The following OSBPL8 variants were observed in gnomAD, a reference collection of about 807,000 sequenced individuals.
The protein encoded by OSBPL8 is oxysterol-binding protein-related protein 8.
OSBPL8 carries 59 observed loss-of-function variants against 125.5 expected under a neutral mutation model. That is an observed-to-expected ratio of 0.47 (90% confidence interval 0.38 to 0.58). The LOEUF is 0.58. Among genes scored for constraint, OSBPL8 ranks in the 20% least tolerant of loss-of-function variants. The pLI, the probability that OSBPL8 is intolerant of heterozygous loss-of-function variation, is 0.00. For missense variants in OSBPL8, 758 were observed against 1,047.8 expected, an observed-to-expected ratio of 0.72 and a Z score of 3.82; for synonymous variants, 330 against 338.9, an observed-to-expected ratio of 0.97 and a Z score of 0.29.
intron 1 of OSBPL8, among the ~76,000 whole-genome samples, chr12:76,526,357 T>TA: frequency 6.6e-6 from 1 of 152,232 alleles, no homozygotes; most frequent in South Asian, 2.1e-4. Context: ...ATCAGCCACA[T>TA]ACTTTAATTA....
intron 1 of OSBPL8, among the ~76,000 whole-genome samples, chr12:76,517,034 G>C (rs997344490): frequency 6.6e-6 from 1 of 151,882 alleles, no homozygotes; most frequent in Non-Finnish European, 1.5e-5. Context: ...GCCTGGTCTC[G>C]AACTCCTGAC....
chr12:76,369,402 T>C (rs1450851185), intron 20 of OSBPL8, 101 bp from the exon 21 acceptor site: 4 of 1,447,192 alleles, frequency 2.8e-6, no homozygotes, highest in East Asian at 2.5e-5. Flanking sequence ...ATTATATACA[T>C]AGTTCTAATA....
intron 4 of OSBPL8, among the ~76,000 whole-genome samples, chr12:76,411,255 A>AAT (rs974188705): frequency 2.6e-5 from 4 of 152,194 alleles, no homozygotes; most frequent in African/African-American, 9.6e-5. Context: ...ATAACACTTT[A>AAT]ATATAGCACT....
intron 5 of OSBPL8, among the ~76,000 whole-genome samples, chr12:76,403,450 G>A (rs1158532936): frequency 6.6e-6 from 1 of 152,082 alleles, no homozygotes; most frequent in Non-Finnish European, 1.5e-5. Flanking sequence ...ATCATGAAAG[G>A]GAAGCTCAGG....
At chr12:76,438,635 T>G (rs938688364) in intron 4 of OSBPL8, among the ~76,000 whole-genome samples, 1 of 152,218 alleles carries the variant, frequency 6.6e-6, no homozygotes, top group Admixed American at 6.5e-5. Context: ...TAACTTCACA[T>G]GGTTAGGAAA....
chr12:76,378,587 T>G (rs747420842), intron 15 of OSBPL8, 37 bp from the exon 16 acceptor site: 2 of 1,414,874 alleles, frequency 1.4e-6, no homozygotes, highest in African/African-American at 1.4e-5. Context: ...TTCACAAAAC[T>G]TATTCAACCA....
At chr12:76,548,542 T>C (rs1374214470) in intron 1 of OSBPL8, among the ~76,000 whole-genome samples, 1 of 152,134 alleles carries the variant, frequency 6.6e-6, no homozygotes, top group Non-Finnish European at 1.5e-5. Flanking sequence ...ACAAGTCAGC[T>C]TTTCCCTAAA....
At chr12:76,435,319 G>C (rs1361495136) in intron 4 of OSBPL8, among the ~76,000 whole-genome samples, 1 of 152,124 alleles carries the variant, frequency 6.6e-6, no homozygotes, top group Non-Finnish European at 1.5e-5. Context: ...AATACTGCAT[G>C]ATCTCTCTTA....
In OSBPL8 at chr12:76,447,604, C is replaced by T. The variant is rs148267868; in HGVS notation, c.217+3247G>A. ...TATTGCCCAGGCTGGAGTGCAATGG[C>T]GCGATCTCGGCTCACTGCAACCTCT... On this transcript the variant is annotated intron_variant, in intron 4 of 23. Transcript: ENST00000261183. Among the ~76,000 whole-genome samples, 801 of 152,038 alleles carry T rather than the reference C, an allele frequency of 5.3e-3. 7 individuals carry two copies. The highest frequency in any genetic ancestry group is 0.019 in the African/African-American group (772 of 41,436).
intron 1 of OSBPL8, among the ~76,000 whole-genome samples, chr12:76,518,643 C>T (rs1881782756): frequency 6.6e-6 from 1 of 152,236 alleles, no homozygotes; most frequent in South Asian, 2.1e-4. Context: ...CAGGCTTTCT[C>T]ATACATCCTC....
At chr12:76,391,802 G>C (rs1291968509) in intron 10 of OSBPL8, among the ~76,000 whole-genome samples, 1 of 151,664 alleles carries the variant, frequency 6.6e-6, no homozygotes, top group Non-Finnish European at 1.5e-5. Flanking sequence ...AAAAAAAAAA[G>C]AAACAAGCAA....
chr12:76,416,809 A>G (rs1868734134), intron 4 of OSBPL8, among the ~76,000 whole-genome samples: 1 of 152,010 alleles, frequency 6.6e-6, no homozygotes, highest in South Asian at 2.1e-4. Flanking sequence ...CTAGATTTAT[A>G]TTTATCTTAT....
intron 1 of OSBPL8, among the ~76,000 whole-genome samples, chr12:76,490,893 G>C (rs1362991443): frequency 6.6e-6 from 1 of 152,242 alleles, no homozygotes; most frequent in Admixed American, 6.5e-5. Flanking sequence ...TGCTGCAGCA[G>C]AGCCTGCACG....
intron 19 of OSBPL8, 114 bp downstream of exon 19, chr12:76,371,334 A>C: frequency 8.6e-7 from 1 of 1,157,500 alleles, no homozygotes; most frequent in Non-Finnish European, 1.2e-6. Flanking sequence ...ACAAATGATA[A>C]ACTATTTTGC....
chr12:76,381,475 T>C (rs1160490055), intron 15 of OSBPL8, among the ~76,000 whole-genome samples: 2 of 152,204 alleles, frequency 1.3e-5, no homozygotes, highest in African/African-American at 4.8e-5. Flanking sequence ...CTTAAGAAAT[T>C]TGTCCATTTC....
intron 1 of OSBPL8, chr12:76,534,085 G>A (rs1950425126): frequency 6.6e-6 from 1 of 152,132 alleles, no homozygotes; most frequent in Admixed American, 6.5e-5. Flanking sequence ...TTTGAAACCA[G>A]GAACTGTATT....
intron 4 of OSBPL8, among the ~76,000 whole-genome samples, chr12:76,449,171 T>C (rs924873465): frequency 1.2e-4 from 18 of 152,190 alleles, no homozygotes; most frequent in African/African-American, 4.1e-4. Context: ...CTAAATTTAA[T>C]TTTTAAAAAT....
chr12:76,378,571 T>C, intron 15 of OSBPL8, 21 bp from the exon 16 acceptor site: 1 of 1,523,752 alleles, frequency 6.6e-7, no homozygotes, highest in South Asian at 1.2e-5. Context: ...ATGTTGTTTA[T>C]TAAATTTCAC....
chr12:76,445,502 A>C (rs1872637232), intron 4 of OSBPL8, among the ~76,000 whole-genome samples: 1 of 152,228 alleles, frequency 6.6e-6, no homozygotes, highest in South Asian at 2.1e-4. Flanking sequence ...ATTAAAATGT[A>C]TTAAAGAACC....
Sources: allele counts gnomAD v4.1 joint callset (sites outside exome capture counted in the v4.1 genomes callset), GRCh38; gene constraint gnomAD v4.1.1; transcripts MANE v1.5; gene names NCBI Gene and HGNC (gene_info 2026-07-23, HGNC 2026-07-21).